Variants in CAST observed in about 807,000 individuals in gnomAD.
CAST encodes calpastatin, also known as MIR583 host.
A neutral mutation model predicts 119.6 loss-of-function variants in CAST; 76 were observed. The observed-to-expected ratio is 0.64, with a 90% CI of 0.53 to 0.77. The LOEUF is 0.77. Among genes scored for constraint, CAST ranks in the 30% least tolerant of loss-of-function variants. The pLI is 0.00. For synonymous variants in CAST, 319 were observed against 331.6 expected (o/e 0.96, Z 0.41); for missense variants, 953 against 946.5 (o/e 1.01, Z -0.09).
the CAST span, among the ~76,000 whole-genome samples, chr5:96,249,744 A>C: frequency 6.6e-6 from 1 of 152,242 alleles, no homozygotes; most frequent in South Asian, 2.1e-4. Context: ...TCTATCAAAC[A>C]GAAATGAATA....
At chr5:96,293,950 G>T in the CAST span, among the ~76,000 whole-genome samples, 1 of 151,816 alleles carries the variant, frequency 6.6e-6, no homozygotes, top group Non-Finnish European at 1.5e-5. Flanking sequence ...AGTAGAGATG[G>T]GGTTTCACCA....
At chr5:96,185,598 A>G in the CAST span, among the ~76,000 whole-genome samples, 1 of 152,312 alleles carries the variant, frequency 6.6e-6, no homozygotes, top group Non-Finnish European at 1.5e-5. Context: ...CCATTTATTA[A>G]ATAGGGAGTC....
chr5:96,391,811 A>T, the CAST span: 2 of 152,144 alleles, frequency 1.3e-5, no homozygotes, highest in Non-Finnish European at 2.9e-5. Flanking sequence ...TTCAATAACC[A>T]CTCATATTTT....
chr5:96,429,200 G>T, the CAST span: 35 of 1,289,862 alleles, frequency 2.7e-5, no homozygotes, highest in Non-Finnish European at 3.7e-5. Context: ...GAAGACAAAT[G>T]TACAACACTT....
chr5:96,193,202 G>A, the CAST span, among the ~76,000 whole-genome samples: 3 of 152,074 alleles, frequency 2.0e-5, no homozygotes, highest in African/African-American at 4.8e-5. Context: ...TCTGTGGAAT[G>A]TTACAGATGC....
At chr5:96,399,917 G>T in the CAST span, 1 of 1,468,414 alleles carries the variant, frequency 6.8e-7, no homozygotes, top group Non-Finnish European at 9.5e-7. Context: ...TTATGCCATG[G>T]GCACACATGT....
intron 9 of CAST, among the ~76,000 whole-genome samples, chr5:96,733,545 A>G (rs1479205102): frequency 1.3e-5 from 2 of 152,222 alleles, no homozygotes; most frequent in Admixed American, 6.5e-5. Context: ...AACTTGCAGC[A>G]AGTCATTTTA....
At chr5:96,414,275 C>G in the CAST span, among the ~76,000 whole-genome samples, 1 of 152,146 alleles carries the variant, frequency 6.6e-6, no homozygotes, top group Non-Finnish European at 1.5e-5. Context: ...TCATGATAGT[C>G]TATATGCAGC....
chr5:96,692,782 C>G (rs1752879484), intron 2 of CAST, among the ~76,000 whole-genome samples: 1 of 152,190 alleles, frequency 6.6e-6, no homozygotes, highest in Admixed American at 6.5e-5. Context: ...CTGAAGTCAT[C>G]TTGTTTTTTT....
At chr5:96,689,027 C>T (rs77382425) in intron 2 of CAST, among the ~76,000 whole-genome samples, 4 of 151,754 alleles carry the variant, frequency 2.6e-5, no homozygotes, top group Middle Eastern at 3.4e-3. Flanking sequence ...GGCACACACA[C>T]GTGTTTGAGT....
intron 1 of CAST, among the ~76,000 whole-genome samples, chr5:96,670,554 A>G (rs1580902087): frequency 6.6e-6 from 1 of 152,022 alleles, no homozygotes; most frequent in Non-Finnish European, 1.5e-5. Flanking sequence ...CTGGAGTGCA[A>G]TGGCACGATC....
the CAST span, among the ~76,000 whole-genome samples, chr5:96,129,886 GT>G: frequency 6.6e-6 from 1 of 151,746 alleles, no homozygotes; most frequent in Non-Finnish European, 1.5e-5. Flanking sequence ...GATTACCTTT[GT>G]TTTTTTACCC....
At chr5:96,355,107 C>A in the CAST span, among the ~76,000 whole-genome samples, 1 of 152,004 alleles carries the variant, frequency 6.6e-6, no homozygotes, top group Non-Finnish European at 1.5e-5. Flanking sequence ...TGGTTTGCTG[C>A]ACCCATTAAC....
rs1238251281 is a variant in CAST, at chr5:96,743,810, T to A, written c.1200+1054T>A. ...AATGTGAGATATACATTACTTAGAGTAGCCGACAGAAGCAGTGTCATCTTG... is the reference window on the plus strand; with the variant it reads ...AATGTGAGATATACATTACTTAGAGAAGCCGACAGAAGCAGTGTCATCTTG... On this transcript the variant is annotated intron_variant, in intron 16 of 31. Transcript: ENST00000675179. The A allele has an allele frequency of 4.7e-6, 5 of 1,063,584 alleles. 1 individual carries two copies. Among genetic ancestry groups the A allele is most frequent in the African/African-American group, 3.2e-5 (2 of 61,644 alleles). The allele number at this position is 1,063,584 out of a possible 1,614,324, so 65.9% of individuals were successfully genotyped here.
chr5:96,470,264 C>T, the CAST span, among the ~76,000 whole-genome samples: 3 of 151,728 alleles, frequency 2.0e-5, no homozygotes, highest in East Asian at 5.8e-4. Context: ...ATATTGAAAC[C>T]ACAGTTATAT....
intron 2 of CAST, among the ~76,000 whole-genome samples, chr5:96,681,064 G>C (rs1751361114): frequency 6.6e-6 from 1 of 152,228 alleles, no homozygotes; most frequent in South Asian, 2.1e-4. Context: ...AAGTGACTCT[G>C]GGAAGTTACA....
chr5:96,251,391 C>T, the CAST span, among the ~76,000 whole-genome samples: 10 of 152,132 alleles, frequency 6.6e-5, no homozygotes, highest in Non-Finnish European at 1.3e-4. Flanking sequence ...TATAGAGTCT[C>T]GCTGGGAAGC....
At chr5:96,181,683 A>C in the CAST span, among the ~76,000 whole-genome samples, 2 of 152,158 alleles carry the variant, frequency 1.3e-5, no homozygotes, top group Non-Finnish European at 2.9e-5. Flanking sequence ...TTCATTTTTC[A>C]CAATATTTGG....
chr5:96,365,583 CTTCT>C, the CAST span, among the ~76,000 whole-genome samples: 1 of 152,082 alleles, frequency 6.6e-6, no homozygotes, highest in Non-Finnish European at 1.5e-5. Flanking sequence ...ATGTAATGGC[CTTCT>C]TTGTCTCTTT....
Sources: gnomAD v4.1 joint callset for allele counts (sites outside exome capture counted in the v4.1 genomes callset) on GRCh38, gnomAD v4.1.1 for gene constraint, MANE v1.5 for transcripts, NCBI Gene and HGNC (gene_info 2026-07-23, HGNC 2026-07-21) for gene names.